The following GRID1 variants were observed in gnomAD, a reference collection of about 807,000 sequenced individuals.
GRID1 encodes glutamate ionotropic receptor delta type subunit 1.
In GRID1, 28 loss-of-function variants were observed where a neutral mutation model predicts 98.0. That is an observed-to-expected ratio of 0.29 (90% CI 0.21 to 0.39). GRID1 has a LOEUF of 0.39. GRID1 is among the 10% of genes least tolerant of loss of function. The pLI, the probability that GRID1 is intolerant of heterozygous loss-of-function variation, is 1.00. For synonymous variants in GRID1, 553 were observed against 538.5 expected (o/e 1.03, Z -0.37); for missense variants, 1,111 against 1,340.5 (o/e 0.83, Z 2.67).
At chr10:86,095,707 T>A (rs12360455) in intron 4 of GRID1, among the ~76,000 whole-genome samples, 42,671 of 151,992 alleles carry the variant, frequency 0.28, 6,735 homozygotes, top group African/African-American at 0.43. Context: ...AAAATTTTTT[T>A]AAAAGTAGAT....
At chr10:86,209,745 T>C (rs1034464041) in intron 2 of GRID1, among the ~76,000 whole-genome samples, 3 of 152,136 alleles carry the variant, frequency 2.0e-5, no homozygotes, top group African/African-American at 7.2e-5. Flanking sequence ...AATTGTGGAA[T>C]TGTCCCATCC....
chr10:86,089,925 T>G (rs1844120470), intron 4 of GRID1, among the ~76,000 whole-genome samples: 2 of 152,068 alleles, frequency 1.3e-5, no homozygotes. Flanking sequence ...TTTTGTATTT[T>G]TAGTAGAGAT....
chr10:86,071,936 A>G (rs1843810549), intron 4 of GRID1, among the ~76,000 whole-genome samples: 1 of 152,198 alleles, frequency 6.6e-6, no homozygotes, highest in African/African-American at 2.4e-5. Context: ...AGTGAAGTGA[A>G]AGAGAGTGGG....
chr10:86,232,475 C>T (rs1309573437), intron 2 of GRID1, among the ~76,000 whole-genome samples: 1 of 152,192 alleles, frequency 6.6e-6, no homozygotes, highest in Non-Finnish European at 1.5e-5. Flanking sequence ...CGATACAGCC[C>T]AGCTGCCTCT....
chr10:86,074,963 A>C (rs762869115), intron 4 of GRID1, among the ~76,000 whole-genome samples: 25 of 152,120 alleles, frequency 1.6e-4, no homozygotes, highest in Non-Finnish European at 1.0e-4. Flanking sequence ...GAATGAGCAA[A>C]TCAGTGTGGG....
At position 85,745,969 on chromosome 10, in the gene GRID1, T is replaced by C. The variant is rs117997320; in HGVS notation, c.1234-16355A>G. 6.6e-4 allele frequency among the ~76,000 whole-genome samples: 100 copies of C among 152,314 alleles called. 1 individual carries two copies. In the East Asian group the frequency reaches 0.019, roughly 28 times the overall value. On this transcript the variant is annotated intron_variant, in intron 8 of 15. Coordinates refer to ENST00000327946, the MANE Select transcript of GRID1 (RefSeq NM_017551.3). Reference sequence around the variant, plus strand: ...AGTTTTAATTGAGGAGTTAACGACATGAGACATGAATAGCTGGATATGAAA... The same window carrying C: ...AGTTTTAATTGAGGAGTTAACGACACGAGACATGAATAGCTGGATATGAAA...
At chr10:85,723,194 TC>T in intron 11 of GRID1, 53 bp from the exon 12 acceptor site, 1 of 1,537,040 alleles carries the variant, frequency 6.5e-7, no homozygotes, top group Admixed American at 1.8e-5. Context: ...CTCCCTCCTA[TC>T]CCCAGGGAGG....
At chr10:86,051,756 G>A (rs1843505914) in intron 4 of GRID1, among the ~76,000 whole-genome samples, 1 of 152,174 alleles carries the variant, frequency 6.6e-6, no homozygotes, top group Non-Finnish European at 1.5e-5. Context: ...TTATCCATCA[G>A]ATTGGCAAAA....
At chr10:86,221,922 C>T (rs1846260570) in intron 2 of GRID1, among the ~76,000 whole-genome samples, 1 of 152,118 alleles carries the variant, frequency 6.6e-6, no homozygotes, top group African/African-American at 2.4e-5. Context: ...TCCTCCTCAC[C>T]CGGAAGGAAC....
At chr10:86,103,177 C>A (rs1844324770) in intron 4 of GRID1, among the ~76,000 whole-genome samples, 1 of 152,066 alleles carries the variant, frequency 6.6e-6, no homozygotes, top group Admixed American at 6.5e-5. Context: ...CATGGGCAAG[C>A]AGAAGGGGCT....
At chr10:86,229,943 C>T (rs1296808772) in intron 2 of GRID1, among the ~76,000 whole-genome samples, 1 of 152,224 alleles carries the variant, frequency 6.6e-6, no homozygotes, top group African/African-American at 2.4e-5. Flanking sequence ...CACCTGTCTG[C>T]CTCACCTTGG....
chr10:86,355,434 A>C (rs575108427), intron 2 of GRID1, among the ~76,000 whole-genome samples: 1 of 152,320 alleles, frequency 6.6e-6, no homozygotes, highest in Non-Finnish European at 1.5e-5. Context: ...AACTGGAAAG[A>C]TGGGGCCATC....
chr10:86,124,588 G>T (rs1002076713), intron 4 of GRID1, among the ~76,000 whole-genome samples: 2 of 152,006 alleles, frequency 1.3e-5, no homozygotes, highest in Admixed American at 1.3e-4. Flanking sequence ...TTTCTTCATG[G>T]GGGTTGTCAC....
intron 13 of GRID1, among the ~76,000 whole-genome samples, chr10:85,623,821 A>G (rs1043990289): frequency 2.6e-5 from 4 of 152,092 alleles, no homozygotes; most frequent in African/African-American, 9.7e-5. Flanking sequence ...GTCATTTCCT[A>G]TTTATATTAA....
intron 2 of GRID1, among the ~76,000 whole-genome samples, chr10:86,230,900 G>A (rs1267733694): frequency 6.6e-6 from 1 of 152,198 alleles, no homozygotes; most frequent in African/African-American, 2.4e-5. Context: ...GGTGACATGA[G>A]TAATACACAC....
In GRID1 at chr10:85,636,558, T is replaced by C. The variant is rs1181617705; in HGVS notation, c.2193+10644A>G. 4.6e-5 allele frequency among the ~76,000 whole-genome samples: 7 copies of C among 152,344 alleles called. No individual in the cohort carries two copies. The East Asian group carries it at 9.6e-4, about 21-fold the overall frequency. On this transcript the variant is annotated intron_variant, in intron 13 of 15. Coordinates refer to ENST00000327946, the MANE Select transcript of GRID1 (RefSeq NM_017551.3). ...AAAAGATTGAAAAGAAAATGATTGCTGTTCCACTGTAGTCCCCAGAATTAT... is the reference window on the plus strand; with the variant it reads ...AAAAGATTGAAAAGAAAATGATTGCCGTTCCACTGTAGTCCCCAGAATTAT...
chr10:86,081,732 A>C (rs1172463542), intron 4 of GRID1, among the ~76,000 whole-genome samples: 1 of 152,248 alleles, frequency 6.6e-6, no homozygotes, highest in African/African-American at 2.4e-5. Flanking sequence ...AGGAAACTTA[A>C]ATGCATATTG....
rs59211171 is a variant in GRID1 at position 86,034,902 on chromosome 10, GTGGATGGATGGATGGATGGA to G, written c.726+103897_726+103916del. On this transcript the variant is annotated intron_variant, in intron 4 of 15. Transcript: ENST00000327946. ...GATGAATGGATAGATCAATGGATTG[GTGGATGGATGGATGGATGGA>G]TGGATGGATGGATGGATGGATGGAT... Among the ~76,000 whole-genome samples, 13 of 143,846 alleles carry G rather than the reference GTGGATGGATGGATGGATGGA, an allele frequency of 9.0e-5. No individual in the cohort carries two copies. The East Asian group carries it at 1.0e-3, about 12-fold the overall frequency. 94.4% of individuals were successfully genotyped at this position (143,846 alleles called of 152,430 possible). A position where few individuals can be genotyped will look rare whatever the true frequency, so the allele number is the denominator to read the frequency against.
intron 15 of GRID1, among the ~76,000 whole-genome samples, chr10:85,608,311 A>G (rs537062985): frequency 6.6e-6 from 1 of 152,168 alleles, no homozygotes; most frequent in Non-Finnish European, 1.5e-5. Flanking sequence ...GGCAGTCCAG[A>G]TCTCCCTAAT....
Sources: gnomAD v4.1 joint callset for allele counts (sites outside exome capture counted in the v4.1 genomes callset) on GRCh38, gnomAD v4.1.1 for gene constraint, MANE v1.5 for transcripts, NCBI Gene and HGNC (gene_info 2026-07-23, HGNC 2026-07-21) for gene names.